MACROD2: variants seen among roughly 807,000 people sequenced by gnomAD.
MACROD2 encodes ADP-ribose glycohydrolase MACROD2.
MACROD2 carries 36 observed loss-of-function variants against 70.4 expected under a neutral mutation model. The ratio of observed to expected loss-of-function variants is 0.51; its 90% CI spans 0.39 to 0.68. MACROD2 has a LOEUF of 0.68. Among genes scored for constraint, MACROD2 ranks in the 30% least tolerant of loss-of-function variants. The pLI, the probability that MACROD2 is intolerant of heterozygous loss-of-function variation, is 0.00. For synonymous variants in MACROD2, 172 were observed against 178.8 expected, an observed-to-expected ratio of 0.96 and a Z score of 0.30; for missense variants, 496 against 538.4, an observed-to-expected ratio of 0.92 and a Z score of 0.78.
In MACROD2 at chr20:15,594,492, A is replaced by G. The variant is rs537375675; in HGVS notation, c.645+94645A>G. On this transcript the variant is annotated intron_variant, in intron 8 of 17. Coordinates refer to ENST00000684519, the MANE Select transcript of MACROD2 (RefSeq NM_001351661.2). ...TGGGGTTACTGGGCTGCCCTCCAGA[A>G]AGGCTGCACCAAGCCTCACTCCCAT... Among the ~76,000 whole-genome samples, 4 of 152,278 alleles carry G rather than the reference A, an allele frequency of 2.6e-5. No homozygotes were observed. In the East Asian group the frequency reaches 5.8e-4, roughly 22 times the overall value.
intron 5 of MACROD2, among the ~76,000 whole-genome samples, chr20:14,862,124 T>TATAAATATATATTTATACATAAATATATA (rs1568839130): frequency 3.8e-4 from 1 of 2,598 alleles, no homozygotes; most frequent in Non-Finnish European, 7.6e-4. Context: ...TATAAATATA[T>TATAAATATATATTTATACATAAATATATA]AATATATATA....
At chr20:16,009,593 C>T (rs1601317657) in intron 15 of MACROD2, among the ~76,000 whole-genome samples, 1 of 152,054 alleles carries the variant, frequency 6.6e-6, no homozygotes. Context: ...CCTGTCTCTA[C>T]TAAAAATACA....
chr20:15,439,493 G>A (rs562579219), intron 7 of MACROD2, among the ~76,000 whole-genome samples: 12 of 152,272 alleles, frequency 7.9e-5, no homozygotes, highest in African/African-American at 2.2e-4. Context: ...CTGGCCAGGC[G>A]CCAGTACTTT....
chr20:15,857,743 A>G (rs1046698469), intron 8 of MACROD2, among the ~76,000 whole-genome samples: 11 of 152,212 alleles, frequency 7.2e-5, no homozygotes, highest in African/African-American at 2.7e-4. Context: ...TAACAGAGGC[A>G]TAGAAAGAAA....
intron 8 of MACROD2, among the ~76,000 whole-genome samples, chr20:15,765,044 T>A (rs1450896647): frequency 6.6e-6 from 1 of 152,066 alleles, no homozygotes; most frequent in East Asian, 1.9e-4. Context: ...GCTGCCTTGC[T>A]CTCTCACTTC....
chr20:14,758,172 T>G (rs1377597104), intron 5 of MACROD2: 7 of 285,714 alleles, frequency 2.4e-5, no homozygotes, highest in Non-Finnish European at 4.7e-5. Flanking sequence ...TAAACACAGG[T>G]AATTTCCATT....
chr20:14,871,256 G>T (rs554031088), intron 5 of MACROD2, among the ~76,000 whole-genome samples: 6 of 152,156 alleles, frequency 3.9e-5, no homozygotes, highest in African/African-American at 1.4e-4. Context: ...AATGTTAAAG[G>T]CAGCTAAAGA....
At chr20:15,565,174 T>G (rs2048294451) in intron 8 of MACROD2, among the ~76,000 whole-genome samples, 1 of 152,180 alleles carries the variant, frequency 6.6e-6, no homozygotes, top group South Asian at 2.1e-4. Flanking sequence ...TCTGTTGTGC[T>G]TCTGCTTTTC....
chr20:14,392,062 T>A (rs556320133), intron 3 of MACROD2, among the ~76,000 whole-genome samples: 1 of 152,012 alleles, frequency 6.6e-6, no homozygotes, highest in South Asian at 2.1e-4. Flanking sequence ...TCCATGAGAC[T>A]TTTCTTTTAA....
intron 5 of MACROD2, among the ~76,000 whole-genome samples, chr20:15,193,233 C>T (rs961299375): frequency 1.3e-5 from 2 of 152,100 alleles, no homozygotes; most frequent in African/African-American, 4.8e-5. Flanking sequence ...TAGAGTATTA[C>T]TTTAAAAGAA....
chr20:14,299,941 G>C (rs1007983720), intron 3 of MACROD2, among the ~76,000 whole-genome samples: 2 of 151,722 alleles, frequency 1.3e-5, no homozygotes, highest in Non-Finnish European at 2.9e-5. Context: ...TTTATTCCAA[G>C]AAGCTCGATA....
intron 8 of MACROD2, among the ~76,000 whole-genome samples, chr20:15,784,325 A>AT (rs73615579): frequency 2.0e-5 from 3 of 151,952 alleles, no homozygotes; most frequent in Non-Finnish European, 4.4e-5. Context: ...CTGAGGAATG[A>AT]TTTTTTTCTA....
At chr20:14,128,715 G>C (rs536423304) in intron 3 of MACROD2, among the ~76,000 whole-genome samples, 35 of 152,316 alleles carry the variant, frequency 2.3e-4, no homozygotes, top group African/African-American at 8.2e-4. Flanking sequence ...ACTCTTGGTA[G>C]GGGTTAATGC....
chr20:15,082,523 GTTTTTT>G (rs753606217), intron 5 of MACROD2, among the ~76,000 whole-genome samples: 7 of 101,754 alleles, frequency 6.9e-5, no homozygotes, highest in Admixed American at 1.1e-4. Flanking sequence ...ACTGCAAGAG[GTTTTTT>G]TTTTTTTTTT....
At chr20:14,796,142 T>C (rs1260321935) in intron 5 of MACROD2, among the ~76,000 whole-genome samples, 1 of 152,136 alleles carries the variant, frequency 6.6e-6, no homozygotes, top group Admixed American at 6.5e-5. Context: ...AACTGTCTGC[T>C]GACTTATCAC....
chr20:15,672,724 C>G (rs1432625460), intron 8 of MACROD2, among the ~76,000 whole-genome samples: 1 of 152,184 alleles, frequency 6.6e-6, no homozygotes, highest in African/African-American at 2.4e-5. Flanking sequence ...GCCGTCTGCC[C>G]TTTCCTGCTG....
At chr20:15,651,793 T>G (rs2049648890) in intron 8 of MACROD2, among the ~76,000 whole-genome samples, 1 of 152,162 alleles carries the variant, frequency 6.6e-6, no homozygotes, top group Non-Finnish European at 1.5e-5. Flanking sequence ...CCCATCTCGA[T>G]CTCTATAAAT....
At chr20:15,140,081 G>A (rs1743472) in intron 5 of MACROD2, among the ~76,000 whole-genome samples, 88,299 of 152,044 alleles carry the variant, frequency 0.58, 25,745 homozygotes, top group East Asian at 0.61. Flanking sequence ...ACCACAGACC[G>A]CAAACTCACG....
intron 15 of MACROD2, among the ~76,000 whole-genome samples, chr20:15,998,295 AG>A (rs2066659602): frequency 6.6e-6 from 1 of 152,182 alleles, no homozygotes; most frequent in Admixed American, 6.5e-5. Context: ...TCACCAATGA[AG>A]TAATCTGGTT....
Sources: allele counts gnomAD v4.1 joint callset (sites outside exome capture counted in the v4.1 genomes callset), GRCh38; gene constraint gnomAD v4.1.1; transcripts MANE v1.5; gene names NCBI Gene and HGNC (gene_info 2026-07-23, HGNC 2026-07-21).